Variants in ATP8A2 observed in about 807,000 individuals in gnomAD.
The protein encoded by ATP8A2 is phospholipid-transporting ATPase IB.
ATP8A2 carries 100 observed loss-of-function variants against 165.6 expected under a neutral mutation model. The observed-to-expected ratio is 0.60, with a 90% CI of 0.51 to 0.71. The LOEUF is 0.71. ATP8A2 is among the 30% of genes least tolerant of loss of function. ATP8A2 has a pLI of 0.00. For synonymous variants in ATP8A2, 543 were observed against 548.8 expected (o/e 0.99, Z 0.15); for missense variants, 1,227 against 1,479.5 (o/e 0.83, Z 2.80).
chr13:26,011,504 C>T (rs1956847805), intron 35 of ATP8A2, among the ~76,000 whole-genome samples: 2 of 152,162 alleles, frequency 1.3e-5, no homozygotes, highest in Admixed American at 1.3e-4. Flanking sequence ...AGAGGGGACA[C>T]CATTCAGCCC....
chr13:25,609,585 G>T lies in ATP8A2; in HGVS notation c.2211+19886G>T, dbSNP rs868274292. ...TGGATTCAAATATATATATATATTTGGGTTCAAATATATATATATTTGAAT... is the reference window on the plus strand; with the variant it reads ...TGGATTCAAATATATATATATATTTTGGTTCAAATATATATATATTTGAAT... On this transcript the variant is annotated intron_variant, in intron 24 of 36. Transcript: ENST00000381655. 3.7e-3 allele frequency among the ~76,000 whole-genome samples: 443 copies of T among 119,924 alleles called. 6 individuals carry two copies. Among genetic ancestry groups the T allele is most frequent in the South Asian group, 0.017 (63 of 3,738 alleles). 78.7% of individuals were successfully genotyped at this position (119,924 alleles called of 152,430 possible). A position where few individuals can be genotyped will look rare whatever the true frequency, so the allele number is the denominator to read the frequency against.
chr13:25,499,064 T>C (rs1566187752), intron 2 of ATP8A2, among the ~76,000 whole-genome samples: 2 of 152,220 alleles, frequency 1.3e-5, no homozygotes, highest in African/African-American at 2.4e-5. Context: ...AGAATCTCCA[T>C]GTGGCAGGGG....
Position 25,663,712 on chromosome 13 carries a change from T to C in ATP8A2, c.2212-35461T>C, listed in dbSNP as rs2042096365. ...TGATTACTGTCTGGCTATAGAACTTTATTGTATCCCATAGTATACAGGACT... is the reference window on the plus strand; with the variant it reads ...TGATTACTGTCTGGCTATAGAACTTCATTGTATCCCATAGTATACAGGACT... On this transcript the variant is annotated intron_variant, in intron 24 of 36. Coordinates refer to ENST00000381655, the MANE Select transcript of ATP8A2 (RefSeq NM_016529.6). 2.6e-5 allele frequency among the ~76,000 whole-genome samples: 4 copies of C among 152,230 alleles called. No homozygotes were observed. In the South Asian group the frequency reaches 6.2e-4, roughly 24 times the overall value.
At chr13:25,719,776 A>G (rs2043335089) in intron 25 of ATP8A2, among the ~76,000 whole-genome samples, 1 of 152,228 alleles carries the variant, frequency 6.6e-6, no homozygotes, top group African/African-American at 2.4e-5. Flanking sequence ...TTAAGTGGGT[A>G]GAGGGATGGT....
At chr13:25,517,804 T>A (rs1468720527) in intron 2 of ATP8A2, among the ~76,000 whole-genome samples, 1 of 152,270 alleles carries the variant, frequency 6.6e-6, no homozygotes, top group African/African-American at 2.4e-5. Flanking sequence ...ATGAACTTAG[T>A]GACCTTTTAT....
intron 24 of ATP8A2, among the ~76,000 whole-genome samples, chr13:25,687,826 G>A (rs533200445): frequency 6.6e-6 from 1 of 152,302 alleles, no homozygotes; most frequent in Non-Finnish European, 1.5e-5. Flanking sequence ...TAGGCTCCCA[G>A]CATTCTAAGC....
intron 16 of ATP8A2, chr13:25,567,165 G>C (rs1309647411): frequency 2.9e-6 from 1 of 339,114 alleles, no homozygotes; most frequent in Non-Finnish European, 5.8e-6. Flanking sequence ...TCTCACAGGT[G>C]TTCTTTCCAA....
chr13:25,455,531 G>T (rs1297380807), intron 1 of ATP8A2, among the ~76,000 whole-genome samples: 1 of 152,190 alleles, frequency 6.6e-6, no homozygotes, highest in Non-Finnish European at 1.5e-5. Flanking sequence ...ATATTTGGTT[G>T]TATCAACTTA....
chr13:25,388,475 G>C (rs763900868), intron 1 of ATP8A2, among the ~76,000 whole-genome samples: 69 of 152,218 alleles, frequency 4.5e-4, no homozygotes, highest in Admixed American at 3.2e-3. Flanking sequence ...GACTCTAAGG[G>C]GGTCCGTGTG....
rs564327139 is a variant in ATP8A2, at chr13:25,818,543, A to G, written c.2680-9575A>G. 3.5e-4 allele frequency among the ~76,000 whole-genome samples: 53 copies of G among 152,318 alleles called. 1 individual carries two copies. The South Asian group carries it at 5.8e-3, about 17-fold the overall frequency. ...GTGCCCCGATTTCCTCATTTGTGAAATGGAATAACACCTTTTGTTAGGATT... is the reference window on the plus strand; with the variant it reads ...GTGCCCCGATTTCCTCATTTGTGAAGTGGAATAACACCTTTTGTTAGGATT... On this transcript the variant is annotated intron_variant, in intron 27 of 36. Coordinates refer to ENST00000381655, the MANE Select transcript of ATP8A2 (RefSeq NM_016529.6).
chr13:25,616,326 C>CTTTTTTTTTTTTTTTTTTTT (rs535891442), intron 24 of ATP8A2, among the ~76,000 whole-genome samples: 1 of 106,752 alleles, frequency 9.4e-6, no homozygotes, highest in Non-Finnish European at 1.9e-5. Flanking sequence ...TTCTTTCTTT[C>CTTTTTTTTTTTTTTTTTTTT]TTTTTTTTTT....
intron 2 of ATP8A2, among the ~76,000 whole-genome samples, chr13:25,520,032 A>G (rs1021906626): frequency 2.0e-5 from 3 of 152,224 alleles, no homozygotes; most frequent in Non-Finnish European, 2.9e-5. Context: ...AATGCCTTAA[A>G]TCTCTTCTAG....
intron 35 of ATP8A2, among the ~76,000 whole-genome samples, chr13:25,990,771 T>C (rs1336206938): frequency 6.6e-6 from 1 of 152,248 alleles, no homozygotes; most frequent in African/African-American, 2.4e-5. Context: ...GTTTTCTCCA[T>C]TTCCCAAATG....
Position 25,699,348 on chromosome 13 carries a change from AGGAACC to A in ATP8A2, c.2384+4_2384+9del. The A allele has an allele frequency of 6.2e-7, 1 of 1,604,584 alleles. No homozygotes were observed. The highest frequency in any genetic ancestry group is 1.3e-5 in the African/African-American group (1 of 74,858). On this transcript the variant is annotated splice_donor_5th_base_variant and intron_variant, in intron 25 of 36. Transcript: ENST00000381655. ...TGCAAAGCGGTCATATGCTGCAGGT[AGGAACC>A]TGCAGGCTGTGCACAGTTCACACTC... is the stretch of plus-strand genomic sequence containing the variant.
chr13:25,677,718 G>A (rs2042400369), intron 24 of ATP8A2, among the ~76,000 whole-genome samples: 1 of 152,154 alleles, frequency 6.6e-6, no homozygotes, highest in South Asian at 2.1e-4. Flanking sequence ...TTTTCTATAG[G>A]GGACTGTCTT....
intron 1 of ATP8A2, among the ~76,000 whole-genome samples, chr13:25,431,384 A>G (rs2034606782): frequency 6.6e-6 from 1 of 151,918 alleles, no homozygotes; most frequent in African/African-American, 2.4e-5. Context: ...CCCGACCTCA[A>G]GTGGTCAGCT....
intron 1 of ATP8A2, among the ~76,000 whole-genome samples, chr13:25,384,935 T>G (rs2032985546): frequency 6.6e-6 from 1 of 152,176 alleles, no homozygotes. Flanking sequence ...AGTGCAGGGA[T>G]GGGTGGGACA....
At chr13:25,558,897 A>G (rs1352338479) in intron 13 of ATP8A2, 76 bp from the exon 14 acceptor site, 2 of 1,034,646 alleles carry the variant, frequency 1.9e-6, no homozygotes, top group African/African-American at 1.6e-5. Context: ...TGAAAAATAT[A>G]GAAGGAAAGA....
At chr13:25,375,335 ACT>A (rs1566087883) in intron 1 of ATP8A2, among the ~76,000 whole-genome samples, 1 of 152,048 alleles carries the variant, frequency 6.6e-6, no homozygotes, top group Non-Finnish European at 1.5e-5. Flanking sequence ...AGAGCTCTCA[ACT>A]CTCTTCTCTC....
Sources: allele counts gnomAD v4.1 joint callset (sites outside exome capture counted in the v4.1 genomes callset), GRCh38; gene constraint gnomAD v4.1.1; transcripts MANE v1.5; gene names NCBI Gene and HGNC (gene_info 2026-07-23, HGNC 2026-07-21).